The following CHRM5 variants were observed in gnomAD, a reference collection of about 807,000 sequenced individuals.
The protein encoded by CHRM5 is cholinergic receptor muscarinic 5, also known as muscarinic acetylcholine receptor M5.
In CHRM5, 18 loss-of-function variants were observed where a neutral mutation model predicts 39.0. The observed-to-expected ratio is 0.46, with a 90% confidence interval of 0.32 to 0.68. The LOEUF is 0.68. Ranked by LOEUF, CHRM5 falls within the 30% of genes least tolerant of loss-of-function variation. The pLI is 0.04. For missense variants in CHRM5, 515 were observed against 651.1 expected, an observed-to-expected ratio of 0.79 and a Z score of 2.28; for synonymous variants, 241 against 246.3, an observed-to-expected ratio of 0.98 and a Z score of 0.20.
At chr15:33,972,725 GT>G (rs1207347886) in intron 1 of CHRM5, among the ~76,000 whole-genome samples, 2 of 152,060 alleles carry the variant, frequency 1.3e-5, no homozygotes, top group Non-Finnish European at 2.9e-5. Context: ...TGTAATCTTT[GT>G]TTGCAACAGT....
rs749796523 is a variant in CHRM5 at position 34,063,819 on chromosome 15, G to A, written c.1102G>A (p.Ala368Thr). 7 of 1,614,212 alleles carry A rather than the reference G, an allele frequency of 4.3e-6. No individual in the cohort carries two copies. The highest frequency in any genetic ancestry group is 1.7e-5 in the Admixed American group (1 of 60,018). The change falls in exon 3 of 3, where the codon GCT becomes ACT. Residue 368 changes from alanine (A) to threonine (T), a missense_variant. By Grantham distance (58) the Ala-to-Thr change is moderately conservative (BLOSUM62 0). Transcript: ENST00000383263. This position sits in a 1 kb window ranked among gnomAD's most constrained non-coding sequence, Gnocchi z 4.1. ...TPNYLLSPAA[A>T]HRPKSQKCVA... ...AAACTACCTTCTGTCTCCAGCAGCT[G>A]CTCATAGACCCAAGAGTCAGAAATG... is the stretch of plus-strand genomic sequence containing the variant.
intron 1 of CHRM5, among the ~76,000 whole-genome samples, chr15:34,031,885 A>G (rs1260312987): frequency 2.0e-5 from 3 of 152,186 alleles, no homozygotes; most frequent in African/African-American, 7.2e-5. Flanking sequence ...ATTCTCCATA[A>G]CCATTATCCA....
At chr15:33,978,297 G>C (rs918009350) in intron 1 of CHRM5, among the ~76,000 whole-genome samples, 11 of 152,174 alleles carry the variant, frequency 7.2e-5, no homozygotes, top group Admixed American at 5.9e-4. Flanking sequence ...TGTAGACACA[G>C]GAAGTCTCTT....
At position 34,063,633 on chromosome 15, in the gene CHRM5, T is replaced by A; in HGVS notation, c.916T>A (p.Tyr306Asn). 1 of 1,614,100 alleles carries A rather than the reference T, an allele frequency of 6.2e-7. No homozygotes were observed. Among genetic ancestry groups the A allele is most frequent in the Non-Finnish European group, 8.5e-7 (1 of 1,180,012 alleles). Residue 306 changes from tyrosine to asparagine, a missense_variant, in exon 3 of 3, where the codon TAC (tyrosine) becomes AAC (asparagine). By Grantham distance (143) the Tyr-to-Asn change is moderately radical. Coordinates refer to ENST00000383263, the MANE Select transcript of CHRM5 (RefSeq NM_012125.4). This position sits in a 1 kb window ranked among gnomAD's most constrained non-coding sequence, Gnocchi z 4.1. The part of the protein sequence containing the change: ...KAEQLTTCSS[Y>N]PSSEDEDKPA... ...TGAGCAGCTCACCACCTGTAGCAGC[T>A]ACCCTTCCTCAGAGGATGAGGACAA...
chr15:34,060,054 G>C (rs1034280618), intron 2 of CHRM5, among the ~76,000 whole-genome samples: 1 of 152,184 alleles, frequency 6.6e-6, no homozygotes, highest in African/African-American at 2.4e-5. Flanking sequence ...GTGTGGCTTA[G>C]ATCTGACCAT....
chr15:34,022,271 T>G (rs1898235256), intron 1 of CHRM5, among the ~76,000 whole-genome samples: 1 of 152,184 alleles, frequency 6.6e-6, no homozygotes, highest in South Asian at 2.1e-4. Flanking sequence ...TAAGAAAACA[T>G]TTTTCAGAGG....
At position 33,995,394 on chromosome 15, in the gene CHRM5, T is replaced by C. The variant is rs367915428; in HGVS notation, c.-408+26244T>C. On this transcript the variant is annotated intron_variant, in intron 1 of 2. Coordinates refer to ENST00000383263, the MANE Select transcript of CHRM5 (RefSeq NM_012125.4). ...TTAGATATTATAAGTGATTTAAAGA[T>C]GATTTAAAGTATATAAAGGAAGGTA... 1.2e-4 allele frequency among the ~76,000 whole-genome samples: 18 copies of C among 152,332 alleles called. 1 individual carries two copies. The South Asian group carries it at 1.9e-3, about 16-fold the overall frequency.
At chr15:34,047,878 CCT>C (rs1377435248) in intron 2 of CHRM5, among the ~76,000 whole-genome samples, 1 of 152,140 alleles carries the variant, frequency 6.6e-6, no homozygotes, top group African/African-American at 2.4e-5. Flanking sequence ...CCTCCCGCAC[CCT>C]GTTTCCCAGG....
intron 1 of CHRM5, among the ~76,000 whole-genome samples, chr15:34,023,336 A>G (rs977588304): frequency 6.6e-6 from 1 of 152,184 alleles, no homozygotes; most frequent in Non-Finnish European, 1.5e-5. Context: ...TATCAGCAAA[A>G]GAAATAGGCT....
chr15:34,008,917 A>C (rs2140654679), intron 1 of CHRM5, among the ~76,000 whole-genome samples: 2 of 128,320 alleles, frequency 1.6e-5, no homozygotes, highest in Middle Eastern at 4.5e-3. Flanking sequence ...CATTTTGTTA[A>C]GATAAAATTA....
chr15:33,993,153 G>A (rs1448969020), intron 1 of CHRM5, among the ~76,000 whole-genome samples: 1 of 151,920 alleles, frequency 6.6e-6, no homozygotes, highest in Non-Finnish European at 1.5e-5. Context: ...TTGACTTTTG[G>A]GGAAAAAAAA....
chr15:34,030,230 G>C (rs1421006424), intron 1 of CHRM5, among the ~76,000 whole-genome samples: 1 of 152,102 alleles, frequency 6.6e-6, no homozygotes, highest in African/African-American at 2.4e-5. Flanking sequence ...TTCCAGCCTG[G>C]GTGACAGAGT....
chr15:33,981,799 A>T (rs185587690), intron 1 of CHRM5, among the ~76,000 whole-genome samples: 32 of 152,292 alleles, frequency 2.1e-4, no homozygotes, highest in Admixed American at 1.1e-3. Context: ...ATGTATACAA[A>T]ATACCAAATA....
At chr15:34,005,298 C>T (rs887921960) in intron 1 of CHRM5, among the ~76,000 whole-genome samples, 1 of 152,170 alleles carries the variant, frequency 6.6e-6, no homozygotes, top group Admixed American at 6.5e-5. Context: ...AGTATCCAAT[C>T]CAGGACCAGG....
chr15:33,984,666 T>C (rs770123104), intron 1 of CHRM5, among the ~76,000 whole-genome samples: 3 of 152,188 alleles, frequency 2.0e-5, no homozygotes, highest in Admixed American at 1.3e-4. Flanking sequence ...CCTCCCAAAG[T>C]GCTCGGATTA....
At chr15:34,042,913 A>C (rs1355606286) in intron 1 of CHRM5, among the ~76,000 whole-genome samples, 2 of 152,076 alleles carry the variant, frequency 1.3e-5, no homozygotes, top group Non-Finnish European at 2.9e-5. Flanking sequence ...GTAGCATCTG[A>C]GCCTTCAAAC....
At chr15:34,002,942 T>C in intron 1 of CHRM5, 1 of 1,158,334 alleles carries the variant, frequency 8.6e-7, no homozygotes, top group Non-Finnish European at 1.2e-6. Flanking sequence ...GATAAATTGC[T>C]AGTTATAAAA....
At chr15:34,007,768 A>T (rs537859467) in intron 1 of CHRM5, among the ~76,000 whole-genome samples, 11 of 152,304 alleles carry the variant, frequency 7.2e-5, no homozygotes, top group African/African-American at 2.2e-4. Context: ...GGAGGCTAGA[A>T]ATCTGAAATC....
chr15:34,012,937 T>A (rs1417934778), intron 1 of CHRM5, among the ~76,000 whole-genome samples: 5 of 152,216 alleles, frequency 3.3e-5, no homozygotes, highest in African/African-American at 9.6e-5. Context: ...AATTTCTTAA[T>A]CATTGTCATG....
Sources: gnomAD v4.1 joint callset for allele counts (sites outside exome capture counted in the v4.1 genomes callset) on GRCh38, gnomAD v4.1.1 for gene constraint, Gnocchi (gnomAD v3.1) non-coding constraint, MANE v1.5 for transcripts, NCBI Gene and HGNC (gene_info 2026-07-23, HGNC 2026-07-21) for gene names.